The following PTPRM variants were observed in gnomAD, a reference collection of about 807,000 sequenced individuals.
The protein encoded by PTPRM is protein tyrosine phosphatase receptor type M.
PTPRM carries 47 observed loss-of-function variants against 186.7 expected under a neutral mutation model. The ratio of observed to expected loss-of-function variants is 0.25; its 90% CI spans 0.20 to 0.32. The LOEUF (loss-of-function observed/expected upper bound fraction) is 0.32, where lower values mean the gene tolerates loss of function less well. Ranked by LOEUF, PTPRM falls within the 10% of genes least tolerant of loss-of-function variation. The pLI is 1.00. For missense variants in PTPRM, 1,494 were observed against 1,865.0 expected (o/e 0.80, Z 3.66); for synonymous variants, 668 against 674.9 (o/e 0.99, Z 0.16).
chr18:8,127,071 C>T (rs1423735924), intron 13 of PTPRM, among the ~76,000 whole-genome samples: 1 of 151,820 alleles, frequency 6.6e-6, no homozygotes, highest in Non-Finnish European at 1.5e-5. Flanking sequence ...TACTCCAAGC[C>T]ACACTAGAAA....
At chr18:7,864,097 C>A (rs2047539069) in intron 2 of PTPRM, among the ~76,000 whole-genome samples, 2 of 152,042 alleles carry the variant, frequency 1.3e-5, no homozygotes, top group South Asian at 4.1e-4. Flanking sequence ...TGGATATTAG[C>A]CCTTTGTGAG....
chr18:8,170,048 G>T (rs918025079), intron 14 of PTPRM, among the ~76,000 whole-genome samples: 1 of 152,178 alleles, frequency 6.6e-6, no homozygotes, highest in Admixed American at 6.5e-5. Flanking sequence ...TAGGTTCGAT[G>T]CTTCTGTTGG....
rs191263780 is a variant in PTPRM at position 7,948,730 on chromosome 18, G to A, written c.664-451G>A. ...GGAGTACTCTAAAACCTAACTTATAGTTGAATGTTATTCTTAATACAGTGT... is the reference window on the plus strand; with the variant it reads ...GGAGTACTCTAAAACCTAACTTATAATTGAATGTTATTCTTAATACAGTGT... On this transcript the variant is annotated intron_variant, in intron 5 of 32. Transcript: ENST00000580170. 2.6e-3 allele frequency among the ~76,000 whole-genome samples: 394 copies of A among 152,260 alleles called. 4 individuals carry two copies. Among genetic ancestry groups the A allele is most frequent in the Non-Finnish European group, 2.3e-3 (154 of 68,014 alleles).
intron 20 of PTPRM, among the ~76,000 whole-genome samples, chr18:8,300,166 T>C (rs1186231079): frequency 6.6e-6 from 1 of 152,122 alleles, no homozygotes; most frequent in African/African-American, 2.4e-5. Context: ...AAATGGAGAA[T>C]GTGTTGTGAG....
At chr18:8,016,607 C>T (rs2084886005) in intron 7 of PTPRM, among the ~76,000 whole-genome samples, 1 of 149,902 alleles carries the variant, frequency 6.7e-6, no homozygotes, top group Non-Finnish European at 1.5e-5. Flanking sequence ...TTTGTATAAA[C>T]ACATTCTTTC....
In PTPRM at chr18:7,567,832, G is replaced by A. The variant is rs2036462664; in HGVS notation, c.14G>A (p.Gly5Glu). The A allele has an allele frequency of 1.3e-6, 2 of 1,559,232 alleles. No individual in the cohort carries two copies. The highest frequency in any genetic ancestry group is 1.7e-6 in the Non-Finnish European group (2 of 1,156,464). ...GCACTCAGCACCATGAGGGGACTTG[G>A]GACTTGCCTGGCGACTTTGGCCGGA... Reference protein sequence around the residue: MRGLGTCLATLAGLL... With the variant: MRGLETCLATLAGLL... The change falls in exon 1 of 33, where the codon GGG becomes GAG. Residue 5 changes from glycine (G) to glutamate (E), a missense_variant. By Grantham distance (98) the Gly-to-Glu change is moderately conservative (BLOSUM62 -2). Transcript: ENST00000580170. This position sits in a 1 kb window ranked among gnomAD's most constrained non-coding sequence, Gnocchi z 4.3.
In PTPRM at chr18:8,126,021, A is replaced by ATTTTTTTTT. The variant is rs1235933280; in HGVS notation, c.2167+11195_2167+11196insTTTTTTTTT. On this transcript the variant is annotated intron_variant, in intron 13 of 32. Coordinates refer to ENST00000580170, the MANE Select transcript of PTPRM (RefSeq NM_001105244.2). ...TATATATATATATATATATATATAT[A>ATTTTTTTTT]TATATATTTTAAATCAGTAGACCTT... is the stretch of plus-strand genomic sequence containing the variant. Among the ~76,000 whole-genome samples the ATTTTTTTTT allele has an allele frequency of 4.5e-4, 17 of 37,526 alleles. 3 individuals carry two copies. Among genetic ancestry groups the ATTTTTTTTT allele is most frequent in the South Asian group, 2.0e-3 (2 of 1,006 alleles). The allele number at this position is 37,526 out of a possible 152,430, so 24.6% of individuals were successfully genotyped here. A position where few individuals can be genotyped will look rare whatever the true frequency, so the allele number is the denominator to read the frequency against.
intron 2 of PTPRM, among the ~76,000 whole-genome samples, chr18:7,774,568 C>G (rs1034533671): frequency 1.3e-5 from 2 of 152,166 alleles, no homozygotes; most frequent in Non-Finnish European, 2.9e-5. Flanking sequence ...AGATTGAGAT[C>G]TCTTCTGGTA....
chr18:8,115,604 T>C (rs1022120069), intron 13 of PTPRM, among the ~76,000 whole-genome samples: 7 of 152,208 alleles, frequency 4.6e-5, no homozygotes, highest in African/African-American at 1.7e-4. Flanking sequence ...AATACAATCA[T>C]TTAGATCATT....
rs377061461 is a variant in PTPRM at position 7,965,179 on chromosome 18, C to T, written c.1132+9765C>T. Among the ~76,000 whole-genome samples, 14 of 151,940 alleles carry T rather than the reference C, an allele frequency of 9.2e-5. 1 individual carries two copies. Among genetic ancestry groups the T allele is most frequent in the East Asian group, 5.8e-4 (3 of 5,152 alleles). On this transcript the variant is annotated intron_variant, in intron 7 of 32. Transcript: ENST00000580170. ...TTCTGTGTCAGCCCCCCAAGTAGCT[C>T]GGATTACAGGCACGCGCCACCACGC...
intron 1 of PTPRM, among the ~76,000 whole-genome samples, chr18:7,694,717 G>A (rs188039119): frequency 5.5e-4 from 83 of 152,182 alleles, no homozygotes; most frequent in African/African-American, 2.0e-3. Flanking sequence ...ATGAGCCGCC[G>A]TGCCGCTGGA....
chr18:7,721,978 A>G (rs563376325), intron 1 of PTPRM, among the ~76,000 whole-genome samples: 15 of 152,308 alleles, frequency 9.8e-5, no homozygotes, highest in Admixed American at 2.0e-4. Flanking sequence ...TTGTAATTGC[A>G]TAGGCAATAT....
In PTPRM at chr18:7,774,168, G is replaced by C. The variant is rs1179623044; in HGVS notation, c.93G>C (p.Glu31Asp). ...TTTTAGGTGGCTGCCTCTTTGATGA[G>C]CCGTATAGCACATGTGGATATAGTC... ...ETFSGGCLFDEPYSTCGYSQS... is the reference protein window; with the variant it reads ...ETFSGGCLFDDPYSTCGYSQS... The change falls in exon 2 of 33, where the codon GAG becomes GAC. Residue 31 changes from glutamate to aspartate, a missense_variant. Coordinates refer to ENST00000580170, the MANE Select transcript of PTPRM (RefSeq NM_001105244.2). The C allele has an allele frequency of 6.2e-7, 1 of 1,611,308 alleles. No individual in the cohort carries two copies. Among genetic ancestry groups the C allele is most frequent in the Admixed American group, 1.7e-5 (1 of 59,970 alleles).
chr18:8,284,654 G>T (rs1369220100), intron 19 of PTPRM, among the ~76,000 whole-genome samples: 2 of 152,090 alleles, frequency 1.3e-5, no homozygotes, highest in African/African-American at 2.4e-5. Flanking sequence ...GGCTCAGGAG[G>T]CTGAGGCAAG....
At chr18:8,123,308 G>GT (rs953259409) in intron 13 of PTPRM, among the ~76,000 whole-genome samples, 12 of 152,302 alleles carry the variant, frequency 7.9e-5, no homozygotes, top group African/African-American at 2.4e-4. Flanking sequence ...TCCAGCAATT[G>GT]TTTTTTGTGT....
chr18:7,947,120 T>TC lies in PTPRM; in HGVS notation c.664-2060dup. The TC allele has an allele frequency of 7.3e-6, 3 of 412,406 alleles. 1 individual carries two copies. Among genetic ancestry groups the TC allele is most frequent in the South Asian group, 5.4e-5 (3 of 56,024 alleles). The allele number at this position is 412,406 out of a possible 1,614,324, so 25.5% of individuals were successfully genotyped here. A position where few individuals can be genotyped will look rare whatever the true frequency, so the allele number is the denominator to read the frequency against. On this transcript the variant is annotated intron_variant, in intron 5 of 32. Transcript: ENST00000580170. ...TGCACTCTTAAGTCATATTCCTCAG[T>TC]CTCAGGTTTATCAGTAATAAAGGTG...
In PTPRM at chr18:8,319,137, G is replaced by A. The variant is rs915478435; in HGVS notation, c.2920-41G>A. 10 of 1,362,162 alleles carry A rather than the reference G, an allele frequency of 7.3e-6. No homozygotes were observed. In the South Asian group the frequency reaches 7.4e-5, roughly 10 times the overall value. The allele number at this position is 1,362,162 out of a possible 1,614,324, so 84.4% of individuals were successfully genotyped here. A position where few individuals can be genotyped will look rare whatever the true frequency, so the allele number is the denominator to read the frequency against. ...GCATGCGACTTATCTGCTGTTTATC[G>A]ATTTTATGTTTATCAAATATTCTCT... On this transcript the variant is annotated intron_variant, in intron 21 of 32. Coordinates refer to ENST00000580170, the MANE Select transcript of PTPRM (RefSeq NM_001105244.2).
intron 7 of PTPRM, among the ~76,000 whole-genome samples, chr18:8,029,282 C>T (rs1461781587): frequency 1.3e-5 from 2 of 148,504 alleles, no homozygotes; most frequent in African/African-American, 2.5e-5. Flanking sequence ...TCTGGAGTGC[C>T]TCCCCCACAC....
At chr18:8,266,371 A>AG (rs1437737904) in intron 19 of PTPRM, among the ~76,000 whole-genome samples, 2 of 151,598 alleles carry the variant, frequency 1.3e-5, no homozygotes. Flanking sequence ...CTCAAAAAAA[A>AG]AAAAAAAAGA....
Sources: allele counts gnomAD v4.1 joint callset (sites outside exome capture counted in the v4.1 genomes callset), GRCh38; gene constraint gnomAD v4.1.1; non-coding constraint Gnocchi (gnomAD v3.1); transcripts MANE v1.5; gene names NCBI Gene and HGNC (gene_info 2026-07-23, HGNC 2026-07-21).